UNC5B: variants seen among roughly 807,000 people sequenced by gnomAD.
UNC5B encodes the protein unc-5 netrin receptor B.
A neutral mutation model predicts 103.7 loss-of-function variants in UNC5B; 56 were observed. The observed-to-expected ratio is 0.54, with a 90% CI of 0.44 to 0.67. UNC5B has a LOEUF of 0.67. Among genes scored for constraint, UNC5B ranks in the 30% least tolerant of loss-of-function variants. UNC5B has a pLI of 0.00. For missense variants in UNC5B, 1,194 were observed against 1,284.5 expected (o/e 0.93, Z 1.08); for synonymous variants, 577 against 542.0 (o/e 1.06, Z -0.90).
intron 1 of UNC5B, among the ~76,000 whole-genome samples, chr10:71,226,385 T>C (rs1048696701): frequency 2.0e-5 from 3 of 152,232 alleles, no homozygotes; most frequent in African/African-American, 7.2e-5. Context: ...CATAAGCATT[T>C]TTAATAACTG....
intron 6 of UNC5B, 127 bp from the exon 7 acceptor site, chr10:71,288,441 G>T: frequency 7.3e-7 from 1 of 1,373,048 alleles, no homozygotes; most frequent in South Asian, 1.4e-5. Context: ...ATGTGTTCTG[G>T]GTTCCTCATT....
Position 71,260,177 on chromosome 10 carries a change from G to A in UNC5B, c.80-19644G>A, listed in dbSNP as rs1844384016. Among the ~76,000 whole-genome samples, 5 of 152,226 alleles carry A rather than the reference G, an allele frequency of 3.3e-5. No homozygotes were observed. The South Asian group carries it at 6.2e-4, about 19-fold the overall frequency. On this transcript the variant is annotated intron_variant, in intron 1 of 16. Coordinates refer to ENST00000335350, the MANE Select transcript of UNC5B (RefSeq NM_170744.5). ...CCAAGGGGGTGGCTTCTCTGCTTTT[G>A]CCAGCTGTCTCCAGCCTGAGATCCA...
chr10:71,268,200 C>T (rs535212604), intron 1 of UNC5B, among the ~76,000 whole-genome samples: 3 of 152,234 alleles, frequency 2.0e-5, no homozygotes, highest in Non-Finnish European at 4.4e-5. Flanking sequence ...TACTGCCAGG[C>T]GCTCTCAGGG....
At chr10:71,276,781 CCAG>C (rs1844782004) in intron 1 of UNC5B, among the ~76,000 whole-genome samples, 1 of 152,232 alleles carries the variant, frequency 6.6e-6, no homozygotes, top group Non-Finnish European at 1.5e-5. Flanking sequence ...TGTGTGCTGG[CCAG>C]CAGAGTCCAC....
At chr10:71,274,441 G>C (rs560446507) in intron 1 of UNC5B, among the ~76,000 whole-genome samples, 2 of 152,268 alleles carry the variant, frequency 1.3e-5, no homozygotes, top group East Asian at 3.9e-4. Context: ...AGTAAGGAAG[G>C]CTTTTCTAAC....
intron 2 of UNC5B, among the ~76,000 whole-genome samples, chr10:71,280,803 C>T (rs1038245220): frequency 5.9e-5 from 9 of 152,172 alleles, no homozygotes; most frequent in African/African-American, 1.7e-4. Flanking sequence ...CAGGAGCCCT[C>T]GGGGTGAAAA....
At chr10:71,252,799 CA>C (rs1844203003) in intron 1 of UNC5B, among the ~76,000 whole-genome samples, 1 of 152,302 alleles carries the variant, frequency 6.6e-6, no homozygotes, top group Admixed American at 6.5e-5. Flanking sequence ...AAGTCCATTC[CA>C]GAGAGCGGGC....
At chr10:71,239,416 C>T (rs974263356) in intron 1 of UNC5B, among the ~76,000 whole-genome samples, 10 of 142,954 alleles carry the variant, frequency 7.0e-5, no homozygotes, top group Non-Finnish European at 9.2e-5. Flanking sequence ...CCATCGAGTT[C>T]GGGTGGGTGG....
At chr10:71,288,904 C>T in intron 7 of UNC5B, 54 bp from the exon 8 acceptor site, 2 of 1,600,422 alleles carry the variant, frequency 1.2e-6, no homozygotes, top group East Asian at 2.2e-5. Context: ...GCCTTCTCTG[C>T]CACCCTTTCC....
chr10:71,277,439 G>C (rs545575170), intron 1 of UNC5B, among the ~76,000 whole-genome samples: 9 of 152,348 alleles, frequency 5.9e-5, no homozygotes, highest in East Asian at 1.9e-4. Context: ...AGATGCTGGT[G>C]GTGGGTGGTG....
At chr10:71,232,691 C>T (rs559868504) in intron 1 of UNC5B, among the ~76,000 whole-genome samples, 9 of 152,338 alleles carry the variant, frequency 5.9e-5, no homozygotes, top group South Asian at 4.1e-4. Flanking sequence ...TATTAGTTGC[C>T]GCCTGCCTAG....
intron 1 of UNC5B, among the ~76,000 whole-genome samples, chr10:71,219,775 T>A (rs1217302791): frequency 1.3e-5 from 2 of 152,200 alleles, no homozygotes; most frequent in African/African-American, 2.4e-5. Flanking sequence ...TAAGTGGCAT[T>A]CAGAGCATTG....
At chr10:71,285,463 C>T (rs1195186251) in intron 4 of UNC5B, 34 bp downstream of exon 4, 9 of 1,530,986 alleles carry the variant, frequency 5.9e-6, no homozygotes, top group Non-Finnish European at 2.6e-6. Context: ...TGAGCACGGC[C>T]CTGTGGCCAT....
At chr10:71,267,232 A>T (rs1336615438) in intron 1 of UNC5B, among the ~76,000 whole-genome samples, 1 of 152,162 alleles carries the variant, frequency 6.6e-6, no homozygotes, top group African/African-American at 2.4e-5. Flanking sequence ...CAGAAAGGAA[A>T]ATTGAGGCCC....
intron 11 of UNC5B, 91 bp downstream of exon 11, chr10:71,292,645 G>C: frequency 9.2e-7 from 1 of 1,082,804 alleles, no homozygotes; most frequent in Non-Finnish European, 1.4e-6. Context: ...CTGATGCCAA[G>C]ACCAAACAGT....
intron 1 of UNC5B, 58 bp from the exon 2 acceptor site, chr10:71,279,763 G>C: frequency 6.4e-7 from 1 of 1,552,408 alleles, no homozygotes; most frequent in Non-Finnish European, 8.7e-7. Context: ...GGTGGGCGAG[G>C]GGTGCCACAG....
rs1843284646 is a variant in UNC5B, at chr10:71,213,972, G to T, written c.79+908G>T. ...CCGTGGATGAATACGTTTCTCGCTC[G>T]TCCTGTAGCTGGACCCGGCGTCGCT... is the stretch of plus-strand genomic sequence containing the variant. On this transcript the variant is annotated intron_variant, in intron 1 of 16. Coordinates refer to ENST00000335350, the MANE Select transcript of UNC5B (RefSeq NM_170744.5). The surrounding 1 kb of genome is among the most constrained non-coding windows in gnomAD (Gnocchi z 4.1). Among the ~76,000 whole-genome samples, 1 of 151,804 alleles carries T rather than the reference G, an allele frequency of 6.6e-6. No homozygotes were observed. Among genetic ancestry groups the T allele is most frequent in the Admixed American group, 6.6e-5 (1 of 15,226 alleles).
At chr10:71,237,571 C>T (rs1457971429) in intron 1 of UNC5B, among the ~76,000 whole-genome samples, 3 of 152,224 alleles carry the variant, frequency 2.0e-5, no homozygotes, top group Admixed American at 6.5e-5. Flanking sequence ...AGTAAATACA[C>T]GGGAAGTCCT....
rs755406139 is a variant in UNC5B, at chr10:71,213,197, G to A, written c.79+133G>A. 1.2e-5 allele frequency: 8 copies of A among 687,624 alleles called. No individual in the cohort carries two copies. Among genetic ancestry groups the A allele is most frequent in the Non-Finnish European group, 1.6e-5 (8 of 489,374 alleles). The allele number at this position is 687,624 out of a possible 1,614,324, so 42.6% of individuals were successfully genotyped here. A position where few individuals can be genotyped will look rare whatever the true frequency, so the allele number is the denominator to read the frequency against. ...GCAAGGGCGCCCAAGTTAGAATGTA[G>A]ATTTTACTGCCTCCCAAAGTGGGCA... is the stretch of plus-strand genomic sequence containing the variant. On this transcript the variant is annotated intron_variant, in intron 1 of 16. Transcript: ENST00000335350. The surrounding 1 kb of genome is among the most constrained non-coding windows in gnomAD (Gnocchi z 4.1).
Sources: gnomAD v4.1 joint callset for allele counts (sites outside exome capture counted in the v4.1 genomes callset) on GRCh38, gnomAD v4.1.1 for gene constraint, Gnocchi (gnomAD v3.1) non-coding constraint, MANE v1.5 for transcripts, NCBI Gene and HGNC (gene_info 2026-07-23, HGNC 2026-07-21) for gene names.